The following EYS variants were observed in gnomAD, a reference collection of about 807,000 sequenced individuals.
EYS encodes the protein protein eyes shut homolog.
In EYS, 250 loss-of-function variants were observed where a neutral mutation model predicts 282.1. The ratio of observed to expected loss-of-function variants is 0.89; its 90% confidence interval spans 0.80 to 0.98. EYS has a LOEUF of 0.98. Among genes scored for constraint, EYS ranks in the 50% least tolerant of loss-of-function variants. The pLI is 0.00. For synonymous variants in EYS, 1,355 were observed against 1,282.9 expected (o/e 1.06, Z -1.20); for missense variants, 4,016 against 3,709.0 (o/e 1.08, Z -2.15).
At chr6:64,069,302 C>T (rs1771484922) in intron 32 of EYS, among the ~76,000 whole-genome samples, 1 of 152,008 alleles carries the variant, frequency 6.6e-6, no homozygotes. Context: ...GATCCAAAAT[C>T]ATCAAAGTAA....
chr6:63,899,528 C>A (rs1288861974), intron 35 of EYS, among the ~76,000 whole-genome samples: 1 of 152,202 alleles, frequency 6.6e-6, no homozygotes, highest in Non-Finnish European at 1.5e-5. Context: ...CATACTGCAG[C>A]TAGTAAACTA....
At chr6:65,499,606 A>G (rs1401732232) in intron 2 of EYS, among the ~76,000 whole-genome samples, 2 of 152,056 alleles carry the variant, frequency 1.3e-5, no homozygotes, top group Non-Finnish European at 2.9e-5. Context: ...AAATTAACAG[A>G]TACAAAAGTT....
At chr6:64,439,000 T>C (rs540141122) in intron 27 of EYS, among the ~76,000 whole-genome samples, 162 bp downstream of exon 27, 1 of 151,690 alleles carries the variant, frequency 6.6e-6, no homozygotes, top group Non-Finnish European at 1.5e-5. Context: ...TGTTGGTTCA[T>C]ATATACATAG....
chr6:64,568,206 A>G (rs1241119555), intron 26 of EYS, among the ~76,000 whole-genome samples: 1 of 152,206 alleles, frequency 6.6e-6, no homozygotes, highest in African/African-American at 2.4e-5. Flanking sequence ...AACCACCAGA[A>G]AAGAACAGAC....
chr6:64,482,728 A>C (rs2150500482), intron 26 of EYS, among the ~76,000 whole-genome samples: 1 of 151,908 alleles, frequency 6.6e-6, no homozygotes, highest in East Asian at 1.9e-4. Flanking sequence ...CAAAGATTTA[A>C]GAAAAATTCT....
At chr6:63,980,160 G>A (rs748162814) in intron 35 of EYS, among the ~76,000 whole-genome samples, 16 of 151,592 alleles carry the variant, frequency 1.1e-4, no homozygotes, top group Non-Finnish European at 2.1e-4. Context: ...CTTGTGTAGA[G>A]AGCCAATTTC....
chr6:63,763,463 C>G (rs1769701063), intron 40 of EYS, among the ~76,000 whole-genome samples: 1 of 151,942 alleles, frequency 6.6e-6, no homozygotes, highest in Non-Finnish European at 1.5e-5. Flanking sequence ...CCACCCAAAT[C>G]TCATCTTGAA....
intron 22 of EYS, among the ~76,000 whole-genome samples, chr6:64,650,074 G>T (rs1366544799): frequency 1.3e-5 from 2 of 151,778 alleles, no homozygotes; most frequent in Admixed American, 6.6e-5. Flanking sequence ...TTTTCATTGG[G>T]AATTTTAGAA....
intron 2 of EYS, among the ~76,000 whole-genome samples, chr6:65,610,424 A>G (rs974401021): frequency 6.6e-6 from 1 of 152,138 alleles, no homozygotes; most frequent in African/African-American, 2.4e-5. Context: ...ATACGCAGAT[A>G]AATTTTGTTC....
At chr6:63,986,218 T>G (rs925968165) in intron 34 of EYS, among the ~76,000 whole-genome samples, 10 of 150,870 alleles carry the variant, frequency 6.6e-5, no homozygotes, top group Admixed American at 5.9e-4. Context: ...AAAACCACAA[T>G]GAGATACCAT....
chr6:64,023,627 G>A (rs74216209), intron 33 of EYS, among the ~76,000 whole-genome samples: 2,310 of 152,314 alleles, frequency 0.015, 52 homozygotes, highest in East Asian at 0.07. Flanking sequence ...AACAGTGTGC[G>A]CCCTCACTAG....
At chr6:64,689,408 A>G (rs532427892) in intron 22 of EYS, among the ~76,000 whole-genome samples, 95 of 152,118 alleles carry the variant, frequency 6.2e-4, no homozygotes, top group African/African-American at 2.2e-3. Context: ...AAGGTAATTT[A>G]TACATTCAAT....
chr6:63,832,166 T>C (rs1391434551), intron 36 of EYS, among the ~76,000 whole-genome samples: 4 of 151,652 alleles, frequency 2.6e-5, no homozygotes, highest in Non-Finnish European at 5.9e-5. Context: ...AATAGAGAAG[T>C]AAGAGCAAAC....
intron 1 of EYS, among the ~76,000 whole-genome samples, chr6:65,691,006 A>C (rs2149844711): frequency 6.6e-6 from 1 of 150,378 alleles, no homozygotes; most frequent in East Asian, 2.3e-4. Flanking sequence ...GGTTGGTTCC[A>C]AGTCTTTGCT....
chr6:65,615,861 G>C (rs564726800), intron 2 of EYS, among the ~76,000 whole-genome samples: 2 of 151,870 alleles, frequency 1.3e-5, no homozygotes, highest in Non-Finnish European at 2.9e-5. Context: ...GTGAGGCCAG[G>C]AGGCGGAGCA....
At chr6:63,931,486 G>T (rs1764893012) in intron 35 of EYS, among the ~76,000 whole-genome samples, 1 of 152,066 alleles carries the variant, frequency 6.6e-6, no homozygotes, top group Non-Finnish European at 1.5e-5. Context: ...CTGACTCTAG[G>T]CAATGTAGTT....
At chr6:65,081,140 A>AT (rs910773921) in intron 12 of EYS, among the ~76,000 whole-genome samples, 3 of 152,044 alleles carry the variant, frequency 2.0e-5, no homozygotes, top group African/African-American at 7.2e-5. Context: ...GTGAATACAT[A>AT]TTTTTTCTAA....
At position 63,940,464 on chromosome 6, in the gene EYS, A is replaced by G. The variant is rs115356019; in HGVS notation, c.7055+43919T>C. 8.7e-4 allele frequency among the ~76,000 whole-genome samples: 133 copies of G among 152,316 alleles called. 1 individual carries two copies. The highest frequency in any genetic ancestry group is 3.1e-3 in the African/African-American group (129 of 41,564). On this transcript the variant is annotated intron_variant, in intron 35 of 42. Coordinates refer to ENST00000503581, the MANE Select transcript of EYS (RefSeq NM_001142800.2). ...ATATAGGATTGCTATGATTTGAGAAATTTATTCATTATATGACAACTTAAA... is the reference window on the plus strand; with the variant it reads ...ATATAGGATTGCTATGATTTGAGAAGTTTATTCATTATATGACAACTTAAA...
intron 31 of EYS, among the ~76,000 whole-genome samples, chr6:64,145,237 A>G (rs1426518919): frequency 6.6e-6 from 1 of 152,214 alleles, no homozygotes; most frequent in Non-Finnish European, 1.5e-5. Flanking sequence ...CAGCTGTATC[A>G]TCAGTCTTAA....
Sources: gnomAD v4.1 joint callset for allele counts (sites outside exome capture counted in the v4.1 genomes callset) on GRCh38, gnomAD v4.1.1 for gene constraint, MANE v1.5 for transcripts, NCBI Gene and HGNC (gene_info 2026-07-23, HGNC 2026-07-21) for gene names.